The following TRIM4 variants were observed in gnomAD, a reference collection of about 807,000 sequenced individuals.
TRIM4 encodes tripartite motif containing 4, also known as E3 ubiquitin-protein ligase TRIM4.
Under a neutral mutation model 33.7 loss-of-function variants are expected in TRIM4, and 29 were observed. The observed-to-expected ratio is 0.86, with a 90% confidence interval of 0.64 to 1.17. The LOEUF (loss-of-function observed/expected upper bound fraction) is 1.17, where lower values mean the gene tolerates loss of function less well. Ranked by LOEUF, TRIM4 falls within the 50% of genes most tolerant of loss-of-function variation. TRIM4 has a pLI of 0.00. For missense variants in TRIM4, 554 were observed against 593.7 expected (o/e 0.93, Z 0.69); for synonymous variants, 224 against 233.0 (o/e 0.96, Z 0.35).
chr7:99,903,444 G>A, intron 4 of TRIM4, 129 bp from the exon 5 acceptor site: 3 of 1,381,416 alleles, frequency 2.2e-6, no homozygotes, highest in Non-Finnish European at 3.1e-6. Context: ...AAACAATCAG[G>A]AGAATTTTTC....
intron 1 of TRIM4, among the ~76,000 whole-genome samples, chr7:99,914,138 C>G (rs758004077): frequency 2.6e-5 from 4 of 152,216 alleles, no homozygotes; most frequent in Non-Finnish European, 5.9e-5. Flanking sequence ...TGTCTGACAA[C>G]TACAATAACC....
rs757996629 is a variant in TRIM4, at chr7:99,908,753, G to A, written c.549C>T (p.Phe183=). The A allele has an allele frequency of 1.5e-5, 24 of 1,613,964 alleles. No homozygotes were observed. The highest frequency in any genetic ancestry group is 2.0e-5 in the Non-Finnish European group (24 of 1,180,032). ...GAAACAGGTCCTCTTCTTCAACCAG[G>A]AAGTTGTGCAGCTTTGAAAACTCCG... ...ISTEFSKLHN[F]LVEEEDLFLQ... The change falls in exon 3 of 6, where the codon TTC becomes TTT. Residue 183 remains phenylalanine, a synonymous_variant. Transcript: ENST00000349062.
At chr7:99,914,621 C>T (rs1038482138) in intron 1 of TRIM4, among the ~76,000 whole-genome samples, 7 of 152,080 alleles carry the variant, frequency 4.6e-5, no homozygotes, top group African/African-American at 9.7e-5. Context: ...TTTCCCCTTG[C>T]TCTTGGTCCT....
At chr7:99,909,746 TTTTTGAGACAAAGTCTCAC>T in intron 1 of TRIM4, 86 bp from the exon 2 acceptor site, 2 of 1,196,996 alleles carry the variant, frequency 1.7e-6, no homozygotes, top group Non-Finnish European at 2.3e-6. Context: ...TTTTTTTTTT[TTTTTGAGACAAAGTCTCAC>T]TTTGTCACCC....
rs576083704 is a variant in TRIM4, at chr7:99,893,479, T to G, written c.842-733A>C. On this transcript the variant is annotated intron_variant, in intron 5 of 5. Coordinates refer to ENST00000349062, the MANE Select transcript of TRIM4 (RefSeq NM_033091.3). ...GAGGTCTCTTTTCACGGGTTCCAGT[T>G]GTTTATGGGGCATCTCCACAAATCT... Among the ~76,000 whole-genome samples the G allele has an allele frequency of 2.0e-5, 3 of 152,268 alleles. No homozygotes were observed. The South Asian group carries it at 6.2e-4, about 32-fold the overall frequency.
Position 99,892,017 on chromosome 7 carries a change from A to C in TRIM4, c.*146T>G. 1 of 721,578 alleles carries C rather than the reference A, an allele frequency of 1.4e-6. No individual in the cohort carries two copies. The highest frequency in any genetic ancestry group is 2.1e-5 in the South Asian group (1 of 48,370). 44.7% of individuals were successfully genotyped at this position (721,578 alleles called of 1,614,324 possible). ...TGGGACTGCCTCTTGTGAAGCACACAAAGGGCAGATACCAAACGGTACCGT... is the reference window on the plus strand; with the variant it reads ...TGGGACTGCCTCTTGTGAAGCACACCAAGGGCAGATACCAAACGGTACCGT... On this transcript the variant is annotated 3_prime_UTR_variant, in exon 6 of 6. Coordinates refer to ENST00000349062, the MANE Select transcript of TRIM4 (RefSeq NM_033091.3).
At chr7:99,916,901 C>T in intron 1 of TRIM4, 1 of 684,394 alleles carries the variant, frequency 1.5e-6, no homozygotes, top group South Asian at 1.7e-5. Context: ...TGATAAGGCC[C>T]TGCCTTTTTC....
At chr7:99,912,217 T>C (rs1280906632) in intron 1 of TRIM4, among the ~76,000 whole-genome samples, 1 of 152,196 alleles carries the variant, frequency 6.6e-6, no homozygotes, top group Admixed American at 6.5e-5. Context: ...GTGTTTTTCA[T>C]GGTATTAAAT....
chr7:99,909,729 G>GTTTTTTTTTTTTTT (rs58242927), intron 1 of TRIM4, 69 bp from the exon 2 acceptor site: 5 of 725,162 alleles, frequency 6.9e-6, no homozygotes, highest in African/African-American at 2.1e-5. Flanking sequence ...TTTTCTTTTT[G>GTTTTTTTTTTTTTT]TTTTTTTTTT....
At chr7:99,918,900 T>C in intron 1 of TRIM4, 109 bp downstream of exon 1, 2 of 1,333,540 alleles carry the variant, frequency 1.5e-6, no homozygotes, top group African/African-American at 1.5e-5. Flanking sequence ...GGGCTTTTCA[T>C]GCTTCCAGTA....
At chr7:99,909,734 T>TG in intron 1 of TRIM4, 74 bp from the exon 2 acceptor site, 6 of 1,092,344 alleles carry the variant, frequency 5.5e-6, no homozygotes, top group Non-Finnish European at 7.6e-6. Flanking sequence ...TTTTTGTTTT[T>TG]TTTTTTTTTT....
intron 2 of TRIM4, 65 bp downstream of exon 2, chr7:99,909,500 G>C: frequency 2.1e-6 from 3 of 1,441,568 alleles, no homozygotes; most frequent in South Asian, 1.2e-5. Flanking sequence ...GACCTCAGAA[G>C]CAAGAAATGT....
Position 99,892,116 on chromosome 7 carries a change from C to T in TRIM4, c.*47G>A. 6.6e-7 allele frequency: 1 copy of T among 1,514,678 alleles called. No homozygotes were observed. Among genetic ancestry groups the T allele is most frequent in the East Asian group, 2.3e-5 (1 of 44,360 alleles). 93.8% of individuals were successfully genotyped at this position (1,514,678 alleles called of 1,614,324 possible). On this transcript the variant is annotated 3_prime_UTR_variant, in exon 6 of 6. Coordinates refer to ENST00000349062, the MANE Select transcript of TRIM4 (RefSeq NM_033091.3). ...GAAGAGGGCCCAGGGATGTGTGTCC[C>T]TCAGCTGGACTACAGGGAAGGAGTT...
intron 5 of TRIM4, among the ~76,000 whole-genome samples, chr7:99,897,417 G>A (rs1206221217): frequency 6.6e-6 from 1 of 152,196 alleles, no homozygotes; most frequent in Non-Finnish European, 1.5e-5. Flanking sequence ...CTCCCACTTA[G>A]TAGAAATGGA....
intron 3 of TRIM4, among the ~76,000 whole-genome samples, chr7:99,904,400 T>C (rs1819248749): frequency 6.6e-6 from 1 of 152,002 alleles, no homozygotes; most frequent in Non-Finnish European, 1.5e-5. Flanking sequence ...TCTCAGAAAA[T>C]GTCACAGCCA....
intron 5 of TRIM4, 108 bp from the exon 6 acceptor site, chr7:99,892,854 C>G (rs1207531245): frequency 3.1e-6 from 3 of 973,122 alleles, no homozygotes; most frequent in African/African-American, 3.3e-5. Flanking sequence ...CTAACAAACA[C>G]TCATGACTCC....
At chr7:99,896,113 C>A (rs1819011163) in intron 5 of TRIM4, among the ~76,000 whole-genome samples, 1 of 152,024 alleles carries the variant, frequency 6.6e-6, no homozygotes, top group African/African-American at 2.4e-5. Context: ...TTTTATTAAT[C>A]TTTTTTTATA....
chr7:99,897,129 A>G (rs567751603), intron 5 of TRIM4, among the ~76,000 whole-genome samples: 30 of 152,212 alleles, frequency 2.0e-4, no homozygotes, highest in African/African-American at 7.0e-4. Context: ...TGGAACCCTA[A>G]GTCCTGGGAC....
chr7:99,903,759 C>A (rs1363839802), intron 3 of TRIM4, among the ~76,000 whole-genome samples, 161 bp from the exon 4 acceptor site: 1 of 152,218 alleles, frequency 6.6e-6, no homozygotes, highest in Non-Finnish European at 1.5e-5. Context: ...TCCTTTCTTT[C>A]ACGTGGCCCC....
Sources: gnomAD v4.1 joint callset for allele counts (sites outside exome capture counted in the v4.1 genomes callset) on GRCh38, gnomAD v4.1.1 for gene constraint, MANE v1.5 for transcripts, NCBI Gene and HGNC (gene_info 2026-07-23, HGNC 2026-07-21) for gene names.